Variants in ABI1 observed in about 807,000 individuals in gnomAD.
ABI1 encodes the protein abl interactor 1.
Under a neutral mutation model 54.6 loss-of-function variants are expected in ABI1, and 14 were observed. That is an observed-to-expected ratio of 0.26 (90% confidence interval 0.17 to 0.40). ABI1 has a LOEUF of 0.40. ABI1 is among the 10% of genes least tolerant of loss of function. The pLI, the probability that ABI1 is intolerant of heterozygous loss-of-function variation, is 1.00. For missense variants in ABI1, 443 were observed against 598.3 expected (o/e 0.74, Z 2.71); for synonymous variants, 194 against 209.3 (o/e 0.93, Z 0.63).
intron 2 of ABI1, among the ~76,000 whole-genome samples, chr10:26,821,258 AAGTAT>A (rs1433675402): frequency 6.6e-6 from 1 of 151,060 alleles, no homozygotes; most frequent in Admixed American, 6.6e-5. Flanking sequence ...AAAAAAAAAA[AAGTAT>A]AAAATAAGAG....
At chr10:26,775,118 A>G (rs1841218945) in intron 3 of ABI1, among the ~76,000 whole-genome samples, 1 of 152,178 alleles carries the variant, frequency 6.6e-6, no homozygotes, top group African/African-American at 2.4e-5. Context: ...GCATGTGTTC[A>G]TTAACTACTA....
chr10:26,783,368 T>C (rs1464905638), intron 2 of ABI1, among the ~76,000 whole-genome samples: 1 of 152,202 alleles, frequency 6.6e-6, no homozygotes, highest in East Asian at 1.9e-4. Context: ...GTCCTAGAGA[T>C]TATTGGTTGC....
intron 10 of ABI1, 88 bp downstream of exon 10, chr10:26,751,510 A>T: frequency 7.4e-7 from 1 of 1,349,952 alleles, no homozygotes; most frequent in South Asian, 1.5e-5. Flanking sequence ...TAAAAGGCTG[A>T]GAAACATTGG....
rs575131138 is a variant in ABI1 at position 26,859,408 on chromosome 10, T to C, written c.117+1339A>G. ...CAGAAACATCGGTTCTTAAAAATTATAATCACATGGGAGACATTTCTATAA... is the reference window on the plus strand; with the variant it reads ...CAGAAACATCGGTTCTTAAAAATTACAATCACATGGGAGACATTTCTATAA... On this transcript the variant is annotated intron_variant, in intron 1 of 10. Coordinates refer to ENST00000376140, the MANE Select transcript of ABI1 (RefSeq NM_001012750.3). Among the ~76,000 whole-genome samples, 20 of 152,368 alleles carry C rather than the reference T, an allele frequency of 1.3e-4. No homozygotes were observed. The East Asian group carries it at 3.3e-3, about 25-fold the overall frequency.
intron 8 of ABI1, 65 bp downstream of exon 8, chr10:26,758,997 G>C: frequency 6.9e-7 from 1 of 1,452,802 alleles, no homozygotes. Context: ...AAGAATAACA[G>C]TTTCAAATAA....
intron 2 of ABI1, among the ~76,000 whole-genome samples, chr10:26,785,424 T>C (rs1046042931): frequency 2.0e-5 from 3 of 152,078 alleles, no homozygotes; most frequent in Admixed American, 6.5e-5. Context: ...TCTAGTACAA[T>C]AAAGATATCA....
chr10:26,834,107 G>A (rs1240950101), intron 1 of ABI1, among the ~76,000 whole-genome samples: 1 of 152,100 alleles, frequency 6.6e-6, no homozygotes, highest in Non-Finnish European at 1.5e-5. Context: ...GTACACGCCT[G>A]TAATCCCAGC....
At chr10:26,805,107 G>T (rs577825758) in intron 2 of ABI1, among the ~76,000 whole-genome samples, 3 of 152,262 alleles carry the variant, frequency 2.0e-5, no homozygotes, top group African/African-American at 7.2e-5. Flanking sequence ...GAAAAACAAA[G>T]ACGCACAAAT....
chr10:26,787,220 T>C (rs1271570156), intron 2 of ABI1, among the ~76,000 whole-genome samples: 1 of 152,150 alleles, frequency 6.6e-6, no homozygotes, highest in Non-Finnish European at 1.5e-5. Flanking sequence ...TGGAGATCTT[T>C]ACAAAAGAAG....
chr10:26,811,319 A>G (rs1170008362), intron 2 of ABI1, among the ~76,000 whole-genome samples: 1 of 152,212 alleles, frequency 6.6e-6, no homozygotes, highest in Admixed American at 6.5e-5. Flanking sequence ...ATGTATTTAC[A>G]TTCAGAGAAG....
chr10:26,747,060 G>C lies in ABI1; in HGVS notation c.*1510C>G, dbSNP rs545985234. The C allele has an allele frequency of 5.2e-5, 12 of 229,406 alleles. No homozygotes were observed. Among genetic ancestry groups the C allele is most frequent in the Admixed American group, 3.2e-4 (6 of 18,974 alleles). The allele number at this position is 229,406 out of a possible 1,614,324, so 14.2% of individuals were successfully genotyped here. On this transcript the variant is annotated 3_prime_UTR_variant, in exon 11 of 11. Transcript: ENST00000376140. ...AAATTAACAAAGGCAAAATGCATAT[G>C]AAATAGTCACATTGATTTGGTAGCA...
At chr10:26,857,320 C>CAAAAA (rs71403897) in intron 1 of ABI1, among the ~76,000 whole-genome samples, 7 of 75,958 alleles carry the variant, frequency 9.2e-5, no homozygotes, top group Non-Finnish European at 1.2e-4. Flanking sequence ...GACTCCATCT[C>CAAAAA]AAAAAAAAAA....
rs1213428191 is a variant in ABI1 at position 26,747,668 on chromosome 10, A to T, written c.*902T>A. The T allele has an allele frequency of 5.1e-6, 1 of 197,350 alleles. No homozygotes were observed. Among genetic ancestry groups the T allele is most frequent in the East Asian group, 8.0e-5 (1 of 12,552 alleles). 12.2% of individuals were successfully genotyped at this position (197,350 alleles called of 1,614,324 possible). A position where few individuals can be genotyped will look rare whatever the true frequency, so the allele number is the denominator to read the frequency against. On this transcript the variant is annotated 3_prime_UTR_variant, in exon 11 of 11. Coordinates refer to ENST00000376140, the MANE Select transcript of ABI1 (RefSeq NM_001012750.3). ...TTTTCTTAGTTTCAAAAGATTATTT[A>T]AAAAAGGAATTCAGTAGATTGACTT...
At chr10:26,826,228 T>C (rs779850601) in intron 1 of ABI1, among the ~76,000 whole-genome samples, 9 of 152,214 alleles carry the variant, frequency 5.9e-5, no homozygotes, top group African/African-American at 1.4e-4. Context: ...AAAATAAGTA[T>C]GTGTTAGCAG....
At chr10:26,791,068 C>T (rs1486179442) in intron 2 of ABI1, among the ~76,000 whole-genome samples, 1 of 59,138 alleles carries the variant, frequency 1.7e-5, no homozygotes, top group Non-Finnish European at 3.4e-5. Flanking sequence ...GATTCCGTCT[C>T]AAAAAAAAAA....
At chr10:26,757,743 G>T (rs1171517254) in intron 8 of ABI1, among the ~76,000 whole-genome samples, 1 of 152,040 alleles carries the variant, frequency 6.6e-6, no homozygotes, top group Non-Finnish European at 1.5e-5. Flanking sequence ...AGGAATTTTT[G>T]CTATAACATA....
At chr10:26,789,386 T>C (rs1359953974) in intron 2 of ABI1, among the ~76,000 whole-genome samples, 2 of 152,188 alleles carry the variant, frequency 1.3e-5, no homozygotes, top group African/African-American at 4.8e-5. Flanking sequence ...TTTTAAAGCA[T>C]GAATACATAC....
chr10:26,772,540 A>G (rs1234747248), intron 3 of ABI1, among the ~76,000 whole-genome samples: 1 of 152,122 alleles, frequency 6.6e-6, no homozygotes, highest in Admixed American at 6.5e-5. Flanking sequence ...GGGAATGAAA[A>G]TTCTACTTGA....
At chr10:26,831,236 CA>C (rs374279635) in intron 1 of ABI1, among the ~76,000 whole-genome samples, 340 of 143,812 alleles carry the variant, frequency 2.4e-3, no homozygotes, top group South Asian at 6.1e-3. Flanking sequence ...CTCCAACTTC[CA>C]AAAAAAAAAA....
Sources: gnomAD v4.1 joint callset for allele counts (sites outside exome capture counted in the v4.1 genomes callset) on GRCh38, gnomAD v4.1.1 for gene constraint, MANE v1.5 for transcripts, NCBI Gene and HGNC (gene_info 2026-07-23, HGNC 2026-07-21) for gene names.